The following PLCXD3 variants were observed in gnomAD, a reference collection of about 807,000 sequenced individuals.
The protein encoded by PLCXD3 is PI-PLC X domain-containing protein 3.
Under a neutral mutation model 25.5 loss-of-function variants are expected in PLCXD3, and 19 were observed. The observed-to-expected ratio is 0.75, with a 90% CI of 0.52 to 1.09. The LOEUF (loss-of-function observed/expected upper bound fraction) is 1.09. PLCXD3 is among the 50% of genes least tolerant of loss of function. The pLI is 0.00. For synonymous variants in PLCXD3, 174 were observed against 137.6 expected (o/e 1.26, Z -1.85); for missense variants, 411 against 388.1 (o/e 1.06, Z -0.50).
At chr5:41,420,249 G>A (rs1043463555) in intron 1 of PLCXD3, among the ~76,000 whole-genome samples, 1 of 152,024 alleles carries the variant, frequency 6.6e-6, no homozygotes, top group Admixed American at 6.6e-5. Context: ...AAAACAAAAG[G>A]GAATAGAAGA....
At chr5:41,370,592 G>T (rs1298782306) in intron 2 of PLCXD3, among the ~76,000 whole-genome samples, 1 of 152,104 alleles carries the variant, frequency 6.6e-6, no homozygotes, top group Non-Finnish European at 1.5e-5. Flanking sequence ...AGAGGATTTG[G>T]CTTATATCAC....
chr5:41,343,221 C>T (rs755224647), intron 2 of PLCXD3, among the ~76,000 whole-genome samples: 2 of 151,962 alleles, frequency 1.3e-5, no homozygotes, highest in African/African-American at 2.4e-5. Context: ...ACATGAGGAC[C>T]ACTTTATTCA....
chr5:41,346,848 G>T (rs1398509041), intron 2 of PLCXD3, among the ~76,000 whole-genome samples: 1 of 152,114 alleles, frequency 6.6e-6, no homozygotes, highest in Non-Finnish European at 1.5e-5. Flanking sequence ...ACGGAATAAT[G>T]TTCCATTGTA....
intron 1 of PLCXD3, among the ~76,000 whole-genome samples, chr5:41,422,991 T>TA (rs1308904494): frequency 6.6e-6 from 1 of 152,090 alleles, no homozygotes; most frequent in Non-Finnish European, 1.5e-5. Flanking sequence ...CTTAATTTTC[T>TA]AAAAAGTATT....
intron 2 of PLCXD3, among the ~76,000 whole-genome samples, chr5:41,355,836 G>A (rs1172199039): frequency 2.6e-5 from 4 of 152,170 alleles, no homozygotes; most frequent in Middle Eastern, 3.2e-3. Flanking sequence ...GATATTAGGA[G>A]AAGAAGAAAA....
At chr5:41,405,664 C>T (rs1200827386) in intron 1 of PLCXD3, among the ~76,000 whole-genome samples, 1 of 152,136 alleles carries the variant, frequency 6.6e-6, no homozygotes, top group African/African-American at 2.4e-5. Flanking sequence ...TGATTCAAGT[C>T]AATGGGTCCA....
rs571792514 is a variant in PLCXD3 at position 41,459,708 on chromosome 5, GCAA to G, written c.103+50713_103+50715del. Reference sequence around the variant, plus strand: ...TCAGTTCCATCAGAGACACATCCCTGCAACAACTTCTCAATCAACCATTAAGTT... The same window carrying G: ...TCAGTTCCATCAGAGACACATCCCTGCAACTTCTCAATCAACCATTAAGTT... On this transcript the variant is annotated intron_variant, in intron 1 of 2. Coordinates refer to ENST00000377801, the MANE Select transcript of PLCXD3 (RefSeq NM_001005473.3). Among the ~76,000 whole-genome samples, 230 of 151,390 alleles carry G rather than the reference GCAA, an allele frequency of 1.5e-3. 1 individual carries two copies. The highest frequency in any genetic ancestry group is 2.4e-3 in the Non-Finnish European group (166 of 67,770).
intron 1 of PLCXD3, among the ~76,000 whole-genome samples, chr5:41,407,735 T>C (rs997233083): frequency 6.6e-6 from 1 of 152,162 alleles, no homozygotes; most frequent in Non-Finnish European, 1.5e-5. Flanking sequence ...GAATAGGAAA[T>C]ACATTTTTTA....
At chr5:41,328,455 G>C (rs1743695771) in intron 2 of PLCXD3, among the ~76,000 whole-genome samples, 1 of 152,082 alleles carries the variant, frequency 6.6e-6, no homozygotes, top group African/African-American at 2.4e-5. Context: ...TACAAGACTG[G>C]TGATGAGGCA....
intron 2 of PLCXD3, among the ~76,000 whole-genome samples, chr5:41,318,693 C>A (rs888755940): frequency 1.3e-5 from 2 of 151,982 alleles, no homozygotes; most frequent in Non-Finnish European, 2.9e-5. Flanking sequence ...GAAGAGAAGA[C>A]CACAACACAA....
chr5:41,353,739 T>A (rs548732393), intron 2 of PLCXD3, among the ~76,000 whole-genome samples: 57 of 152,254 alleles, frequency 3.7e-4, no homozygotes, highest in African/African-American at 1.3e-3. Context: ...GGGGAAGCAA[T>A]AGTTCAGGAT....
intron 1 of PLCXD3, chr5:41,475,597 T>C: frequency 1.9e-6 from 1 of 534,474 alleles, no homozygotes; most frequent in South Asian, 1.4e-5. Context: ...CCTCTTCAGG[T>C]CCCTTCAGGT....
intron 1 of PLCXD3, among the ~76,000 whole-genome samples, chr5:41,416,166 C>T (rs1746687223): frequency 1.3e-5 from 2 of 152,036 alleles, no homozygotes; most frequent in African/African-American, 4.8e-5. Context: ...CAACTGTAAC[C>T]TTGAGAACAA....
chr5:41,377,109 G>A (rs1745319292), intron 2 of PLCXD3, among the ~76,000 whole-genome samples: 1 of 152,082 alleles, frequency 6.6e-6, no homozygotes, highest in African/African-American at 2.4e-5. Flanking sequence ...CGGATAGATA[G>A]AGTTTGGATT....
At position 41,309,272 on chromosome 5, in the gene PLCXD3, T is replaced by TCATTA. The variant is rs749710056; in HGVS notation, c.*4340_*4344dup. The TCATTA allele has an allele frequency of 6.6e-6, 1 of 152,594 alleles. No homozygotes were observed. The highest frequency in any genetic ancestry group is 1.5e-5 in the Non-Finnish European group (1 of 68,024). 9.5% of individuals were successfully genotyped at this position (152,594 alleles called of 1,614,324 possible). ...TTTACAAATTCTACAGAACACTTTA[T>TCATTA]CATTATCATTGGGAAAACAAACAAT... On this transcript the variant is annotated 3_prime_UTR_variant, in exon 3 of 3. Coordinates refer to ENST00000377801, the MANE Select transcript of PLCXD3 (RefSeq NM_001005473.3).
chr5:41,343,001 CT>C (rs1744196059), intron 2 of PLCXD3, among the ~76,000 whole-genome samples: 2 of 152,076 alleles, frequency 1.3e-5, no homozygotes, highest in South Asian at 4.1e-4. Context: ...CTTCAAAAAT[CT>C]AATTGTTTGA....
intron 1 of PLCXD3, among the ~76,000 whole-genome samples, chr5:41,509,131 G>A (rs909616450): frequency 3.3e-5 from 5 of 152,172 alleles, no homozygotes; most frequent in Non-Finnish European, 5.9e-5. Flanking sequence ...AGCATCTAGT[G>A]ATTTTCAAAA....
At chr5:41,389,084 A>C (rs907932721) in intron 1 of PLCXD3, among the ~76,000 whole-genome samples, 3 of 151,974 alleles carry the variant, frequency 2.0e-5, no homozygotes, top group Non-Finnish European at 4.4e-5. Context: ...AAGGCCTCTG[A>C]TTTAGTCCAC....
chr5:41,458,227 A>G (rs921113868), intron 1 of PLCXD3, among the ~76,000 whole-genome samples: 14 of 151,874 alleles, frequency 9.2e-5, no homozygotes, highest in Admixed American at 9.2e-4. Flanking sequence ...TTCATGTATG[A>G]CTCAAATACC....
Sources: allele counts gnomAD v4.1 joint callset (sites outside exome capture counted in the v4.1 genomes callset), GRCh38; gene constraint gnomAD v4.1.1; transcripts MANE v1.5; gene names NCBI Gene and HGNC (gene_info 2026-07-23, HGNC 2026-07-21).